The following PTPRD variants were observed in gnomAD, a reference collection of about 807,000 sequenced individuals.
PTPRD encodes receptor-type tyrosine-protein phosphatase delta.
Under a neutral mutation model 214.5 loss-of-function variants are expected in PTPRD, and 34 were observed. The ratio of observed to expected loss-of-function variants is 0.16; its 90% confidence interval spans 0.12 to 0.21. The LOEUF (loss-of-function observed/expected upper bound fraction) is 0.21. Ranked by LOEUF, PTPRD falls within the 10% of genes least tolerant of loss-of-function variation. PTPRD has a pLI of 1.00. For missense variants in PTPRD, 2,545 were observed against 2,398.7 expected (o/e 1.06, Z -1.27); for synonymous variants, 1,128 against 845.7 (o/e 1.33, Z -5.79).
At chr9:8,486,605 G>T (rs1457343615) in intron 27 of PTPRD, 4 of 627,864 alleles carry the variant, frequency 6.4e-6, no homozygotes, top group Non-Finnish European at 8.7e-6. Flanking sequence ...AGCTTAAGGG[G>T]ATTTTTTTGA....
intron 10 of PTPRD, among the ~76,000 whole-genome samples, chr9:9,061,596 A>G (rs968308825): frequency 6.6e-6 from 1 of 152,118 alleles, no homozygotes; most frequent in Non-Finnish European, 1.5e-5. Flanking sequence ...GGCCAGTTTG[A>G]CTACCCCTAA....
intron 8 of PTPRD, among the ~76,000 whole-genome samples, chr9:9,450,729 G>A (rs1353758342): frequency 7.3e-6 from 1 of 136,794 alleles, no homozygotes; most frequent in Non-Finnish European, 1.6e-5. Flanking sequence ...AATTAAATAT[G>A]TATTAATTGT....
rs569216776 is a variant in PTPRD, at chr9:8,660,431, A to C, written c.65-23587T>G. 2.0e-5 allele frequency among the ~76,000 whole-genome samples: 3 copies of C among 152,292 alleles called. No homozygotes were observed. The East Asian group carries it at 5.8e-4, about 29-fold the overall frequency. ...CAGATGACTGGGTCAGATGCATTCA[A>C]AAAGATAACACTTATCCAAATTAGT... On this transcript the variant is annotated intron_variant, in intron 12 of 45. Transcript: ENST00000381196.
At chr9:9,855,869 G>A (rs1441012202) in intron 5 of PTPRD, among the ~76,000 whole-genome samples, 1 of 152,202 alleles carries the variant, frequency 6.6e-6, no homozygotes, top group African/African-American at 2.4e-5. Flanking sequence ...TTAAGCGCTA[G>A]CAGCTCAGTG....
chr9:9,014,692 A>G (rs1403090351), intron 11 of PTPRD, among the ~76,000 whole-genome samples: 10 of 152,260 alleles, frequency 6.6e-5, no homozygotes, highest in Admixed American at 5.2e-4. Context: ...GGAAGGAGAA[A>G]TCTATATTGT....
intron 11 of PTPRD, among the ~76,000 whole-genome samples, chr9:8,999,942 T>C (rs1589557456): frequency 1.3e-5 from 2 of 152,102 alleles, no homozygotes; most frequent in East Asian, 3.9e-4. Context: ...GGTCAAAGTA[T>C]CTGAGAAGCA....
chr9:9,505,086 A>G (rs1488967367), intron 8 of PTPRD, among the ~76,000 whole-genome samples: 1 of 151,540 alleles, frequency 6.6e-6, no homozygotes, highest in African/African-American at 2.4e-5. Flanking sequence ...TCAAGCTTGC[A>G]TCACAGTTTG....
intron 3 of PTPRD, among the ~76,000 whole-genome samples, chr9:10,058,827 C>T (rs750270956): frequency 2.6e-5 from 4 of 152,010 alleles, no homozygotes; most frequent in Non-Finnish European, 5.9e-5. Context: ...TGGAGTTATG[C>T]ACCACATTTT....
intron 4 of PTPRD, among the ~76,000 whole-genome samples, chr9:10,022,694 T>A (rs1231081580): frequency 1.3e-5 from 2 of 152,178 alleles, no homozygotes; most frequent in African/African-American, 4.8e-5. Flanking sequence ...GTGGTTTATG[T>A]AGATTGGGTA....
intron 43 of PTPRD, among the ~76,000 whole-genome samples, chr9:8,338,083 AACCTAAGTTTGGAG>A (rs1443597885): frequency 1.3e-5 from 2 of 152,080 alleles, no homozygotes; most frequent in African/African-American, 2.4e-5. Context: ...ACAATCTCCA[AACCTAAGTTTGGAG>A]AAAGCTGCTT....
intron 14 of PTPRD, among the ~76,000 whole-genome samples, chr9:8,552,379 T>C (rs1213451977): frequency 6.6e-6 from 1 of 152,178 alleles, no homozygotes; most frequent in Non-Finnish European, 1.5e-5. Flanking sequence ...TGAGAGAGTT[T>C]TTGACAGAGT....
At chr9:9,557,079 G>T (rs1050721304) in intron 8 of PTPRD, among the ~76,000 whole-genome samples, 1 of 152,142 alleles carries the variant, frequency 6.6e-6, no homozygotes, top group Admixed American at 6.6e-5. Flanking sequence ...TGGAAGAAAA[G>T]TAGTATCCTT....
chr9:8,471,178 G>C (rs567952926), intron 30 of PTPRD, 93 bp from the exon 31 acceptor site: 8 of 923,926 alleles, frequency 8.7e-6, no homozygotes, highest in Admixed American at 1.7e-5. Flanking sequence ...TGAGGTTGAA[G>C]GCAAATTATG....
At chr9:9,603,511 C>A (rs534924668) in intron 7 of PTPRD, among the ~76,000 whole-genome samples, 1 of 152,166 alleles carries the variant, frequency 6.6e-6, no homozygotes, top group Non-Finnish European at 1.5e-5. Flanking sequence ...AGGAACCAGG[C>A]GGCATACCCG....
chr9:9,392,362 G>C (rs2066163142), intron 9 of PTPRD, among the ~76,000 whole-genome samples: 1 of 152,130 alleles, frequency 6.6e-6, no homozygotes, highest in Non-Finnish European at 1.5e-5. Context: ...ATAGGTCATT[G>C]GTAACAGCAG....
At chr9:8,527,858 C>G (rs574113129) in intron 15 of PTPRD, among the ~76,000 whole-genome samples, 1 of 152,218 alleles carries the variant, frequency 6.6e-6, no homozygotes, top group Non-Finnish European at 1.5e-5. Flanking sequence ...TTCTGTAGAT[C>G]CAGTCACTGG....
intron 3 of PTPRD, among the ~76,000 whole-genome samples, chr9:10,276,853 C>A (rs1236794305): frequency 6.6e-6 from 1 of 152,200 alleles, no homozygotes; most frequent in Non-Finnish European, 1.5e-5. Context: ...GGCCAGATCA[C>A]CATGACTTTC....
chr9:9,518,093 G>C (rs2154251837), intron 8 of PTPRD, among the ~76,000 whole-genome samples: 1 of 152,144 alleles, frequency 6.6e-6, no homozygotes, highest in Admixed American at 6.6e-5. Context: ...GAAACTTCAA[G>C]TAATGACTCT....
intron 33 of PTPRD, among the ~76,000 whole-genome samples, chr9:8,457,092 C>G (rs556993485): frequency 6.6e-6 from 1 of 152,220 alleles, no homozygotes; most frequent in East Asian, 1.9e-4. Flanking sequence ...ATACTATTAT[C>G]TGGTGTTTAA....
Sources: gnomAD v4.1 joint callset for allele counts (sites outside exome capture counted in the v4.1 genomes callset) on GRCh38, gnomAD v4.1.1 for gene constraint, MANE v1.5 for transcripts, NCBI Gene and HGNC (gene_info 2026-07-23, HGNC 2026-07-21) for gene names.